The following PRDM16 variants were observed in gnomAD, a reference collection of about 807,000 sequenced individuals.
PRDM16 encodes PR/SET domain 16.
A neutral mutation model predicts 110.6 loss-of-function variants in PRDM16; 23 were observed. The observed-to-expected ratio is 0.21, with a 90% CI of 0.15 to 0.29. PRDM16 has a LOEUF of 0.29. Among genes scored for constraint, PRDM16 ranks in the 10% least tolerant of loss-of-function variants. The pLI, the probability that PRDM16 is intolerant of heterozygous loss-of-function variation, is 1.00. For missense variants in PRDM16, 1,615 were observed against 1,794.3 expected (o/e 0.90, Z 1.81); for synonymous variants, 799 against 781.8 (o/e 1.02, Z -0.37).
At chr1:3,395,343 G>A (rs964585024) in intron 4 of PRDM16, among the ~76,000 whole-genome samples, 5 of 152,140 alleles carry the variant, frequency 3.3e-5, no homozygotes, top group Non-Finnish European at 4.4e-5. Context: ...GGATGGCCAC[G>A]TCCCCTCAAT....
At chr1:3,232,203 C>G (rs1639433513) in intron 2 of PRDM16, among the ~76,000 whole-genome samples, 1 of 152,222 alleles carries the variant, frequency 6.6e-6, no homozygotes, top group Non-Finnish European at 1.5e-5. Flanking sequence ...ATCCATCTCC[C>G]TCACTTCTCC....
chr1:3,181,848 GGTCTTACACACGCA>G (rs1227207411), intron 1 of PRDM16, among the ~76,000 whole-genome samples: 9 of 83,246 alleles, frequency 1.1e-4, no homozygotes, highest in Admixed American at 2.9e-4. Flanking sequence ...TCTTACACAC[GGTCTTACACACGCA>G]GTCTTACACA....
intron 1 of PRDM16, among the ~76,000 whole-genome samples, chr1:3,149,121 G>A (rs1643730833): frequency 6.6e-6 from 1 of 152,214 alleles, no homozygotes; most frequent in Non-Finnish European, 1.5e-5. Context: ...GAAACAGTGG[G>A]GGACAGGGGT....
chr1:3,166,580 A>C (rs1208972455), intron 1 of PRDM16, among the ~76,000 whole-genome samples: 1 of 152,240 alleles, frequency 6.6e-6, no homozygotes, highest in Non-Finnish European at 1.5e-5. Context: ...GTGCTCACGA[A>C]GGGGACAGTC....
intron 1 of PRDM16, among the ~76,000 whole-genome samples, chr1:3,089,787 G>A (rs1642233341): frequency 1.3e-5 from 2 of 152,200 alleles, no homozygotes; most frequent in Non-Finnish European, 1.5e-5. Flanking sequence ...CCGCACCAGG[G>A]ATGTTCCATT....
chr1:3,367,593 G>A (rs773163868), intron 3 of PRDM16, among the ~76,000 whole-genome samples: 6 of 152,170 alleles, frequency 3.9e-5, no homozygotes, highest in East Asian at 1.9e-4. Context: ...GGGCTCAAGC[G>A]TCCATTGTCC....
At chr1:3,079,399 GGATCC>G (rs1293661341) in intron 1 of PRDM16, among the ~76,000 whole-genome samples, 9 of 34,756 alleles carry the variant, frequency 2.6e-4, no homozygotes, top group Non-Finnish European at 4.3e-4. Flanking sequence ...GTGTGCACAG[GGATCC>G]TGCGGTTGCA....
intron 1 of PRDM16, among the ~76,000 whole-genome samples, chr1:3,073,503 C>T (rs1005368752): frequency 1.3e-5 from 2 of 152,178 alleles, no homozygotes; most frequent in Non-Finnish European, 1.5e-5. Context: ...CTCCCGTCGC[C>T]GGCGCGGGAG....
chr1:3,089,675 G>T (rs887140752), intron 1 of PRDM16, among the ~76,000 whole-genome samples: 6 of 152,356 alleles, frequency 3.9e-5, no homozygotes, highest in African/African-American at 1.2e-4. Flanking sequence ...CCGAGGAAGC[G>T]CAGGGAGCCT....
intron 2 of PRDM16, among the ~76,000 whole-genome samples, chr1:3,229,370 C>T (rs886496012): frequency 6.6e-6 from 1 of 152,174 alleles, no homozygotes; most frequent in African/African-American, 2.4e-5. Context: ...GGCCCCTCCC[C>T]GGCCTCCCCT....
At chr1:3,178,340 C>T (rs546040077) in intron 1 of PRDM16, among the ~76,000 whole-genome samples, 5 of 152,284 alleles carry the variant, frequency 3.3e-5, no homozygotes, top group Admixed American at 6.5e-5. Flanking sequence ...CCCTCCCTCC[C>T]GCAGGCTTCC....
chr1:3,416,313 T>C (rs1638258060), intron 10 of PRDM16, among the ~76,000 whole-genome samples: 1 of 152,198 alleles, frequency 6.6e-6, no homozygotes, highest in Non-Finnish European at 1.5e-5. Flanking sequence ...GAGTGCCAGA[T>C]GCCCGGCACT....
chr1:3,114,260 GCACACGTACA>G (rs1320677902), intron 1 of PRDM16, among the ~76,000 whole-genome samples: 2 of 126,470 alleles, frequency 1.6e-5, no homozygotes, highest in African/African-American at 6.3e-5. Flanking sequence ...ACACGCACGC[GCACACGTACA>G]CACACGCACA....
chr1:3,337,775 C>T (rs990140672), intron 3 of PRDM16, among the ~76,000 whole-genome samples: 2 of 152,180 alleles, frequency 1.3e-5, no homozygotes, highest in African/African-American at 4.8e-5. Context: ...TCCTGGCTGA[C>T]CGGCATTTCC....
intron 2 of PRDM16, among the ~76,000 whole-genome samples, chr1:3,188,064 T>G (rs899603526): frequency 2.6e-5 from 4 of 152,150 alleles, no homozygotes; most frequent in African/African-American, 7.2e-5. Context: ...GTCGAAGACC[T>G]CAGTGGAGAC....
intron 2 of PRDM16, among the ~76,000 whole-genome samples, chr1:3,187,220 C>G (rs1436928052): frequency 6.6e-6 from 1 of 152,164 alleles, no homozygotes; most frequent in Non-Finnish European, 1.5e-5. Flanking sequence ...GCCCCACCCC[C>G]CCACAAAAAG....
intron 3 of PRDM16, among the ~76,000 whole-genome samples, chr1:3,356,230 C>T (rs560363027): frequency 3.5e-4 from 53 of 152,316 alleles, no homozygotes; most frequent in Non-Finnish European, 5.9e-4. Flanking sequence ...AGCAGGCCGA[C>T]GTGTCTGGTG....
intron 3 of PRDM16, among the ~76,000 whole-genome samples, chr1:3,362,523 C>T (rs1011802973): frequency 1.3e-5 from 2 of 151,930 alleles, no homozygotes; most frequent in African/African-American, 2.4e-5. Context: ...CGGGTGTCAT[C>T]GGGGTCCACC....
chr1:3,076,731 G>C (rs1453497188), intron 1 of PRDM16, among the ~76,000 whole-genome samples: 1 of 152,206 alleles, frequency 6.6e-6, no homozygotes, highest in African/African-American at 2.4e-5. Flanking sequence ...CTTTACCGGG[G>C]CTTCTTAGTT....
Sources: gnomAD v4.1 joint callset for allele counts (sites outside exome capture counted in the v4.1 genomes callset) on GRCh38, gnomAD v4.1.1 for gene constraint, MANE v1.5 for transcripts, NCBI Gene and HGNC (gene_info 2026-07-23, HGNC 2026-07-21) for gene names.